MYOM1: variants seen among roughly 807,000 people sequenced by gnomAD.
MYOM1 encodes the protein myomesin 1, also known as myomesin-1.
In MYOM1, 164 loss-of-function variants were observed where a neutral mutation model predicts 205.3. That is an observed-to-expected ratio of 0.80 (90% CI 0.70 to 0.91). MYOM1 has a LOEUF of 0.91. Ranked by LOEUF, MYOM1 falls within the 40% of genes least tolerant of loss-of-function variation. The probability of loss-of-function intolerance (pLI) is 0.00; values close to 1 mark genes in which losing one functional copy is unlikely to be tolerated. For synonymous variants in MYOM1, 772 were observed against 789.4 expected, an observed-to-expected ratio of 0.98 and a Z score of 0.37; for missense variants, 2,011 against 2,127.3, an observed-to-expected ratio of 0.95 and a Z score of 1.08.
In MYOM1 at chr18:3,174,200, A is replaced by T. The variant is rs777352460; in HGVS notation, c.1031T>A (p.Phe344Tyr). 6.2e-7 allele frequency: 1 copy of T among 1,612,896 alleles called. No individual in the cohort carries two copies. The highest frequency in any genetic ancestry group is 8.5e-7 in the Non-Finnish European group (1 of 1,179,410). Residue 344 changes from phenylalanine (F) to tyrosine (Y), a missense_variant, in exon 7 of 38, where the codon TTT (phenylalanine) becomes TAT (tyrosine). Phe to Tyr is a conservative substitution (Grantham distance 22). Transcript: ENST00000356443. ...MHTLEINGCD[F>Y]EDTAQYRASA... ...GGCCCGGTACTGAGCTGTATCTTCA[A>T]AATCACATCTGAAAGAACAGACGGA...
chr18:3,175,031 G>C (rs968375345), intron 6 of MYOM1, among the ~76,000 whole-genome samples: 1 of 152,064 alleles, frequency 6.6e-6, no homozygotes, highest in African/African-American at 2.4e-5. Context: ...TCGGGGTTTA[G>C]TTTCATTTGT....
At chr18:3,187,454 T>A (rs747851423) in intron 5 of MYOM1, 26 bp downstream of exon 5, 7 of 1,606,768 alleles carry the variant, frequency 4.4e-6, no homozygotes, top group Non-Finnish European at 6.0e-6. Context: ...TAATGAATTC[T>A]GTTAGCTTTC....
chr18:3,155,146 C>T, intron 10 of MYOM1, 58 bp from the exon 11 acceptor site: 1 of 1,524,648 alleles, frequency 6.6e-7, no homozygotes. Flanking sequence ...AGTCGGCAGG[C>T]AGGTCTCAGC....
At chr18:3,117,480 CAGAA>C (rs67910444) in intron 20 of MYOM1, among the ~76,000 whole-genome samples, 126,403 of 151,720 alleles carry the variant, frequency 0.83, 53,645 homozygotes, top group East Asian at 0.97. Context: ...AGACAATTAA[CAGAA>C]AGAAAGCTCA....
At chr18:3,068,780 C>A (rs1322391309) in intron 37 of MYOM1, among the ~76,000 whole-genome samples, 2 of 152,114 alleles carry the variant, frequency 1.3e-5, no homozygotes, top group Admixed American at 6.6e-5. Context: ...GTCATCTGAG[C>A]TTTTTCCAGT....
chr18:3,242,330 T>C, the MYOM1 span, among the ~76,000 whole-genome samples: 1 of 152,168 alleles, frequency 6.6e-6, no homozygotes, highest in African/African-American at 2.4e-5. Context: ...CTCATGATAG[T>C]TAATAAGTCT....
intron 2 of MYOM1, among the ~76,000 whole-genome samples, chr18:3,210,660 T>A (rs1047928404): frequency 1.3e-5 from 2 of 152,208 alleles, no homozygotes; most frequent in Non-Finnish European, 1.5e-5. Context: ...TTCAATAGCT[T>A]CTCTAGAAGA....
rs1033504559 is a variant in MYOM1, at chr18:3,179,087, T to A, written c.930-2953A>T. ...TCTTGCTATGTTGCCTATGCTGGTC[T>A]TAAACTCCTGGGCTCAAGCAATCCT... On this transcript the variant is annotated intron_variant, in intron 5 of 37. Transcript: ENST00000356443. This position sits in a 1 kb window ranked among gnomAD's most constrained non-coding sequence, Gnocchi z 4.4. Among the ~76,000 whole-genome samples, 51 of 152,152 alleles carry A rather than the reference T, an allele frequency of 3.4e-4. No individual in the cohort carries two copies. Among genetic ancestry groups the A allele is most frequent in the Non-Finnish European group, 5.1e-4 (35 of 68,020 alleles).
At chr18:3,130,853 T>C (rs2079865014) in intron 17 of MYOM1, among the ~76,000 whole-genome samples, 1 of 152,168 alleles carries the variant, frequency 6.6e-6, no homozygotes, top group African/African-American at 2.4e-5. Context: ...AATTACTTTA[T>C]TACTGGTTTT....
chr18:3,242,433 T>G, the MYOM1 span, among the ~76,000 whole-genome samples: 1 of 152,222 alleles, frequency 6.6e-6, no homozygotes, highest in Non-Finnish European at 1.5e-5. Flanking sequence ...CCGCAATGAT[T>G]GTGAAGCCTC....
In MYOM1 at chr18:3,106,393, T is replaced by A. The variant is rs552152261; in HGVS notation, c.3419-3763A>T. 5.3e-5 allele frequency among the ~76,000 whole-genome samples: 8 copies of A among 152,378 alleles called. No individual in the cohort carries two copies. In the South Asian group the frequency reaches 1.4e-3, roughly 28 times the overall value. On this transcript the variant is annotated intron_variant, in intron 22 of 37. Transcript: ENST00000356443. ...TTATTTTTAGGTTCTAAGCCACATC[T>A]GTGTTTCAACTTCAACCTATGAGTC...
At chr18:3,092,102 G>A (rs879446491) in intron 26 of MYOM1, among the ~76,000 whole-genome samples, 18 of 152,020 alleles carry the variant, frequency 1.2e-4, no homozygotes, top group Non-Finnish European at 1.6e-4. Flanking sequence ...CTCATTCATC[G>A]CTATCTCCTT....
chr18:3,151,818 T>C lies in MYOM1; in HGVS notation c.1719A>G (p.Gly573=), dbSNP rs937051314. 6.2e-7 allele frequency: 1 copy of C among 1,613,842 alleles called. No homozygotes were observed. Among genetic ancestry groups the C allele is most frequent in the African/African-American group, 1.3e-5 (1 of 75,028 alleles). The part of the protein sequence containing the change: ...PVKFARFPVT[G]LIEGRSYIFR... ...AGATATAGGAACGACCTTCGATCAATCCAGTGACAGGAAAACGAGCAAACT... is the reference window on the plus strand; with the variant it reads ...AGATATAGGAACGACCTTCGATCAACCCAGTGACAGGAAAACGAGCAAACT... Residue 573 remains glycine (G), a synonymous_variant, in exon 12 of 38, where the codon GGA becomes GGG. Coordinates refer to ENST00000356443, the MANE Select transcript of MYOM1 (RefSeq NM_003803.4).
intron 36 of MYOM1, among the ~76,000 whole-genome samples, chr18:3,073,390 G>A (rs766213883): frequency 7.2e-5 from 11 of 152,054 alleles, no homozygotes; most frequent in Admixed American, 2.0e-4. Flanking sequence ...CTCATTTTTC[G>A]GCCTGCTTCA....
At chr18:3,158,203 A>G (rs1382109098) in intron 10 of MYOM1, among the ~76,000 whole-genome samples, 2 of 152,184 alleles carry the variant, frequency 1.3e-5, no homozygotes, top group Non-Finnish European at 2.9e-5. Context: ...ATTATTTTTG[A>G]AACAAAGTGA....
intron 9 of MYOM1, 97 bp downstream of exon 9, chr18:3,168,720 T>C: frequency 1.5e-6 from 2 of 1,309,486 alleles, no homozygotes; most frequent in South Asian, 2.8e-5. Flanking sequence ...TAGTCCCTTC[T>C]AACTTCCAGA....
At position 3,079,336 on chromosome 18, in the gene MYOM1, G is replaced by A. The variant is rs1334053982; in HGVS notation, c.4491C>T (p.Ser1497=). ...DLKVNWSHNG[S]AIRYSDRVKT... Reference sequence around the variant, plus strand: ...TAACTCTGTCTGAGTACCTAATGGCGGACCCACTGTGAAAATCGAAGAAAA... The same window carrying A: ...TAACTCTGTCTGAGTACCTAATGGCAGACCCACTGTGAAAATCGAAGAAAA... The change falls in exon 34 of 38, where the codon TCC becomes TCT. Residue 1497 remains serine, a synonymous_variant. Coordinates refer to ENST00000356443, the MANE Select transcript of MYOM1 (RefSeq NM_003803.4). 5.0e-6 allele frequency: 8 copies of A among 1,604,560 alleles called. No individual in the cohort carries two copies. Among genetic ancestry groups the A allele is most frequent in the Non-Finnish European group, 6.0e-6 (7 of 1,173,690 alleles).
At chr18:3,193,329 CATATATATGT>C (rs1423245929) in intron 3 of MYOM1, among the ~76,000 whole-genome samples, 303 of 144,426 alleles carry the variant, frequency 2.1e-3, no homozygotes, top group South Asian at 4.6e-3. Flanking sequence ...TGTACATATA[CATATATATGT>C]ACATATACAT....
intron 19 of MYOM1, among the ~76,000 whole-genome samples, chr18:3,124,304 T>TTTC (rs1261425948): frequency 6.3e-5 from 1 of 15,762 alleles, no homozygotes; most frequent in Non-Finnish European, 1.2e-4. Context: ...TTCTTTTTTC[T>TTTC]TTTTTTTTTT....
Sources: gnomAD v4.1 joint callset for allele counts (sites outside exome capture counted in the v4.1 genomes callset) on GRCh38, gnomAD v4.1.1 for gene constraint, Gnocchi (gnomAD v3.1) non-coding constraint, MANE v1.5 for transcripts, NCBI Gene and HGNC (gene_info 2026-07-23, HGNC 2026-07-21) for gene names.